LGR6: variants seen among roughly 807,000 people sequenced by gnomAD.
LGR6 encodes leucine-rich repeat-containing G protein-coupled receptor 6.
Under a neutral mutation model 69.4 loss-of-function variants are expected in LGR6, and 45 were observed. That is an observed-to-expected ratio of 0.65 (90% CI 0.51 to 0.83). LGR6 has a LOEUF of 0.83. LGR6 is among the 40% of genes least tolerant of loss of function. The probability of loss-of-function intolerance (pLI) is 0.00; values close to 1 mark genes in which losing one functional copy is unlikely to be tolerated. For synonymous variants in LGR6, 538 were observed against 555.0 expected (o/e 0.97, Z 0.43); for missense variants, 1,108 against 1,246.7 (o/e 0.89, Z 1.68).
chr1:202,270,174 G>A (rs994613932), intron 4 of LGR6, among the ~76,000 whole-genome samples: 6 of 151,914 alleles, frequency 3.9e-5, no homozygotes, highest in South Asian at 2.1e-4. Flanking sequence ...TCATTCCTTC[G>A]CTTTTGGGGA....
intron 4 of LGR6, among the ~76,000 whole-genome samples, chr1:202,243,707 A>T (rs529952942): frequency 2.6e-5 from 4 of 152,250 alleles, no homozygotes; most frequent in African/African-American, 9.6e-5. Flanking sequence ...CTTACCACTC[A>T]CAGCCTCCCG....
chr1:202,218,225 T>C (rs1291408384), intron 1 of LGR6, among the ~76,000 whole-genome samples: 1 of 152,194 alleles, frequency 6.6e-6, no homozygotes, highest in Admixed American at 6.5e-5. Flanking sequence ...CACTAGCAAA[T>C]TGAAGGAGTG....
At chr1:202,248,706 A>AGAG (rs1162522875) in intron 4 of LGR6, among the ~76,000 whole-genome samples, 2 of 152,242 alleles carry the variant, frequency 1.3e-5, no homozygotes, top group Admixed American at 1.3e-4. Flanking sequence ...CAGCCCACAG[A>AGAG]GAGGACATCA....
intron 10 of LGR6, 137 bp from the exon 11 acceptor site, chr1:202,304,422 C>T (rs961557813): frequency 1.9e-6 from 1 of 516,688 alleles, no homozygotes. Context: ...CCACCCCCTG[C>T]CCTGTCTCTC....
chr1:202,307,042 C>T (rs1653283756), intron 13 of LGR6, 103 bp downstream of exon 13: 2 of 1,015,896 alleles, frequency 2.0e-6, no homozygotes, highest in African/African-American at 1.6e-5. Context: ...GCAAATGTGA[C>T]ATGCACATCG....
chr1:202,241,087 G>T lies in LGR6; in HGVS notation c.428+5094G>T, dbSNP rs184724761. On this transcript the variant is annotated intron_variant, in intron 4 of 17. Coordinates refer to ENST00000367278, the MANE Select transcript of LGR6 (RefSeq NM_001017403.2). Reference sequence around the variant, plus strand: ...TACACCCAGTTGTTGGACTCCAAAGGCTACAAGGGAAGCCGCCTTTTGATG... The same window carrying T: ...TACACCCAGTTGTTGGACTCCAAAGTCTACAAGGGAAGCCGCCTTTTGATG... Among the ~76,000 whole-genome samples, 372 of 152,314 alleles carry T rather than the reference G, an allele frequency of 2.4e-3. 1 individual carries two copies. Among genetic ancestry groups the T allele is most frequent in the African/African-American group, 8.8e-3 (364 of 41,570 alleles).
intron 10 of LGR6, among the ~76,000 whole-genome samples, chr1:202,303,781 A>C (rs1572003587): frequency 6.6e-6 from 1 of 152,170 alleles, no homozygotes; most frequent in Non-Finnish European, 1.5e-5. Context: ...CCCTCAATAC[A>C]TTTAAATGAA....
chr1:202,240,959 C>G (rs372377267), intron 4 of LGR6, among the ~76,000 whole-genome samples: 10 of 152,172 alleles, frequency 6.6e-5, no homozygotes. Flanking sequence ...TCACAGAAAC[C>G]CCTCTCTAAT....
At chr1:202,205,791 C>A (rs1659194450) in intron 1 of LGR6, among the ~76,000 whole-genome samples, 1 of 148,740 alleles carries the variant, frequency 6.7e-6, no homozygotes, top group Non-Finnish European at 1.5e-5. Flanking sequence ...ACGCACACCT[C>A]CTTCAAACAT....
Position 202,260,279 on chromosome 1 carries a change from T to TGG in LGR6, c.429-16027_429-16026insGG, listed in dbSNP as rs925623284. 3.9e-5 allele frequency among the ~76,000 whole-genome samples: 6 copies of TGG among 152,210 alleles called. No individual in the cohort carries two copies. The East Asian group carries it at 1.2e-3, about 29-fold the overall frequency. ...ATTTCGAACTCCTAACCTCAGGTGA[T>TGG]CCGCCCGTCTCAGCCTACCAAAGTG... On this transcript the variant is annotated intron_variant, in intron 4 of 17. Coordinates refer to ENST00000367278, the MANE Select transcript of LGR6 (RefSeq NM_001017403.2).
At chr1:202,301,090 A>C in intron 8 of LGR6, 74 bp from the exon 9 acceptor site, 1 of 1,448,808 alleles carries the variant, frequency 6.9e-7, no homozygotes, top group Non-Finnish European at 9.7e-7. Context: ...TAGGAGAAGA[A>C]AGCAGAGATT....
chr1:202,198,130 G>A (rs2147886106), intron 1 of LGR6, among the ~76,000 whole-genome samples: 1 of 152,342 alleles, frequency 6.6e-6, no homozygotes, highest in Non-Finnish European at 1.5e-5. Flanking sequence ...GATGGTGTGT[G>A]CATATGTGTC....
rs527495412 is a variant in LGR6 at position 202,249,208 on chromosome 1, C to T, written c.428+13215C>T. On this transcript the variant is annotated intron_variant, in intron 4 of 17. Coordinates refer to ENST00000367278, the MANE Select transcript of LGR6 (RefSeq NM_001017403.2). ...GCATTCTTACCCTTCTGATAAGGTG[C>T]TTTCCAGCCCTTATCTTATTTGATT... Among the ~76,000 whole-genome samples, 7 of 152,298 alleles carry T rather than the reference C, an allele frequency of 4.6e-5. No individual in the cohort carries two copies. In the South Asian group the frequency reaches 1.5e-3, roughly 32 times the overall value.
intron 1 of LGR6, chr1:202,214,187 G>T: frequency 6.5e-7 from 1 of 1,532,028 alleles, no homozygotes; most frequent in South Asian, 1.3e-5. Flanking sequence ...GCTCAGCGAG[G>T]GCGGGACAGA....
At chr1:202,276,821 T>C (rs147796510) in intron 5 of LGR6, among the ~76,000 whole-genome samples, 2 of 152,362 alleles carry the variant, frequency 1.3e-5, no homozygotes, top group Non-Finnish European at 2.9e-5. Context: ...ATATAATAAC[T>C]ATACCTTGAT....
intron 1 of LGR6, among the ~76,000 whole-genome samples, chr1:202,219,619 C>G (rs1386003780): frequency 6.6e-6 from 1 of 152,060 alleles, no homozygotes; most frequent in African/African-American, 2.4e-5. Flanking sequence ...GAAGAACTTC[C>G]CTAGAGTAAA....
intron 1 of LGR6, among the ~76,000 whole-genome samples, chr1:202,199,343 C>T (rs1658752932): frequency 1.3e-5 from 2 of 152,064 alleles, no homozygotes; most frequent in African/African-American, 4.8e-5. Context: ...AAAGTGGAGC[C>T]TAGTAGGGTG....
rs562392788 is a variant in LGR6 at position 202,312,367 on chromosome 1, C to G, written c.1567+2010C>G. 3.3e-5 allele frequency among the ~76,000 whole-genome samples: 5 copies of G among 152,214 alleles called. No homozygotes were observed. The South Asian group carries it at 1.0e-3, about 32-fold the overall frequency. ...AATTGCTGAACTTCTTTCTGGAGAG[C>G]AGGGGTGGGCAGGGAGTGAAAGGTA... On this transcript the variant is annotated intron_variant, in intron 16 of 17. Coordinates refer to ENST00000367278, the MANE Select transcript of LGR6 (RefSeq NM_001017403.2).
chr1:202,269,851 C>T (rs1664951100), intron 4 of LGR6, among the ~76,000 whole-genome samples: 1 of 152,192 alleles, frequency 6.6e-6, no homozygotes, highest in African/African-American at 2.4e-5. Flanking sequence ...AATTTAAAGT[C>T]AGCCTGCACT....
Sources: allele counts gnomAD v4.1 joint callset (sites outside exome capture counted in the v4.1 genomes callset), GRCh38; gene constraint gnomAD v4.1.1; transcripts MANE v1.5; gene names NCBI Gene and HGNC (gene_info 2026-07-23, HGNC 2026-07-21).